Variants in SLC10A4 observed in about 807,000 individuals in gnomAD.
The protein encoded by SLC10A4 is putative sodium/bile acid cotransporter 4.
SLC10A4 carries 17 observed loss-of-function variants against 22.5 expected under a neutral mutation model. That is an observed-to-expected ratio of 0.76 (90% confidence interval 0.52 to 1.14). The LOEUF (loss-of-function observed/expected upper bound fraction) is 1.14, where lower values mean the gene tolerates loss of function less well. Among genes scored for constraint, SLC10A4 ranks in the 50% most tolerant of loss-of-function variants. SLC10A4 has a pLI of 0.00. For synonymous variants in SLC10A4, 257 were observed against 258.2 expected, an observed-to-expected ratio of 1.00 and a Z score of 0.04; for missense variants, 548 against 584.0, an observed-to-expected ratio of 0.94 and a Z score of 0.64.
At chr4:48,485,284 A>T in intron 2 of SLC10A4, 142 bp downstream of exon 2, 1 of 744,564 alleles carries the variant, frequency 1.3e-6, no homozygotes, top group South Asian at 1.9e-5. Context: ...TTTTTTTAAA[A>T]AGTTTATGCT....
chr4:48,483,538 G>C lies in SLC10A4; in HGVS notation c.-24G>C. 2 of 1,483,140 alleles carry C rather than the reference G, an allele frequency of 1.3e-6. No individual in the cohort carries two copies. The highest frequency in any genetic ancestry group is 1.8e-6 in the Non-Finnish European group (2 of 1,120,504). 91.9% of individuals were successfully genotyped at this position (1,483,140 alleles called of 1,614,324 possible). On this transcript the variant is annotated 5_prime_UTR_variant, in exon 1 of 3. Coordinates refer to ENST00000273861, the MANE Select transcript of SLC10A4 (RefSeq NM_152679.4). The surrounding 1 kb of genome is among the most constrained non-coding windows in gnomAD (Gnocchi z 5.4). ...GAGAGGCACGCGGCGGGAGGGGACC[G>C]GAATCCGCAGCTCCGGCCGCGCCAT...
At chr4:48,487,182 C>T (rs747651721) in intron 2 of SLC10A4, among the ~76,000 whole-genome samples, 3 of 152,146 alleles carry the variant, frequency 2.0e-5, no homozygotes, top group Non-Finnish European at 2.9e-5. Flanking sequence ...ACGTTTTATA[C>T]AGAAGTCAGT....
rs751960693 is a variant in SLC10A4, at chr4:48,484,028, T to G, written c.467T>G (p.Leu156Arg). The stretch of plus-strand genomic sequence containing the variant: ...GGCCTCCTGCCGCTGCTGGCCTTCC[T>G]GCTGGCCCTCGCCTTCAAGCTGGAC... ...QFGLLPLLAFLLALAFKLDEV... is the reference protein window; with the variant it reads ...QFGLLPLLAFRLALAFKLDEV... Residue 156 changes from leucine (L) to arginine (R), a missense_variant, in exon 1 of 3, where the codon CTG (leucine) becomes CGG (arginine). Around this residue, in one of 3 missense-constraint regions of SLC10A4, gnomAD observed 314 missense variants for 353.2 expected, o/e 0.89. Transcript: ENST00000273861. 1 of 1,597,590 alleles carries G rather than the reference T, an allele frequency of 6.3e-7. No homozygotes were observed. The highest frequency in any genetic ancestry group is 1.7e-5 in the Admixed American group (1 of 59,146).
Position 48,485,044 on chromosome 4 carries a change from G to C in SLC10A4, c.703G>C (p.Gly235Arg), listed in dbSNP as rs1718258920. The change falls in exon 2 of 3, where the codon GGG becomes CGG. Residue 235 changes from glycine to arginine, a missense_variant. Transcript: ENST00000273861. ...CCCTATCGTGCAGTTACTACCCCTAGGGACCGTGACCCTGACTCTCTGCAG... is the reference window on the plus strand; with the variant it reads ...CCCTATCGTGCAGTTACTACCCCTACGGACCGTGACCCTGACTCTCTGCAG... ...NTPIVQLLPLGTVTLTLCSTL... is the reference protein window; with the variant it reads ...NTPIVQLLPLRTVTLTLCSTL... The C allele has an allele frequency of 6.2e-7, 1 of 1,614,060 alleles. No homozygotes were observed.
At chr4:48,484,697 G>T (rs1718249809) in intron 1 of SLC10A4, among the ~76,000 whole-genome samples, 1 of 152,018 alleles carries the variant, frequency 6.6e-6, no homozygotes, top group African/African-American at 2.4e-5. Context: ...ATAATGTCGA[G>T]GGCAGCAGTA....
chr4:48,484,695 G>A (rs983548336), intron 1 of SLC10A4, among the ~76,000 whole-genome samples: 2 of 152,010 alleles, frequency 1.3e-5, no homozygotes, highest in Admixed American at 1.3e-4. Flanking sequence ...TTATAATGTC[G>A]AGGGCAGCAG....
rs1718342284 is a variant in SLC10A4, at chr4:48,489,131, T to C, written c.*192T>C. ...ATTACAAATCAATGCTGTAATATAA[T>C]TTGCACCTGGAATGGCTAACGTGAA... On this transcript the variant is annotated 3_prime_UTR_variant, in exon 3 of 3. Transcript: ENST00000273861. 1.6e-6 allele frequency: 1 copy of C among 616,202 alleles called. No individual in the cohort carries two copies. The highest frequency in any genetic ancestry group is 2.6e-6 in the Non-Finnish European group (1 of 390,808). 38.2% of individuals were successfully genotyped at this position (616,202 alleles called of 1,614,324 possible). A position where few individuals can be genotyped will look rare whatever the true frequency, so the allele number is the denominator to read the frequency against.
At position 48,488,433 on chromosome 4, in the gene SLC10A4, C is replaced by A; in HGVS notation, c.808C>A (p.Leu270Met). The A allele has an allele frequency of 6.3e-7, 1 of 1,591,728 alleles. No homozygotes were observed. The highest frequency in any genetic ancestry group is 8.6e-7 in the Non-Finnish European group (1 of 1,167,172). ...RVADYIVKVS[L>M]WSLLVTLVVL... is the part of the protein sequence containing the mutation. ...TGTAATTTTCTATTACTAGGTTTCC[C>A]TGTGGTCTCTGCTAGTGACTCTGGT... Residue 270 changes from leucine (L) to methionine (M), a missense_variant, in exon 3 of 3, where the codon CTG (leucine) becomes ATG (methionine). By Grantham distance (15) the Leu-to-Met change is conservative. Coordinates refer to ENST00000273861, the MANE Select transcript of SLC10A4 (RefSeq NM_152679.4).
chr4:48,483,498 C>T lies in SLC10A4; in HGVS notation c.-64C>T. 1.5e-6 allele frequency: 2 copies of T among 1,350,954 alleles called. No individual in the cohort carries two copies. The highest frequency in any genetic ancestry group is 2.0e-6 in the Non-Finnish European group (2 of 1,024,162). 83.7% of individuals were successfully genotyped at this position (1,350,954 alleles called of 1,614,324 possible). Reference sequence around the variant, plus strand: ...GCAGAACGACGGGCGGCGACTGCGGCGACCGCGGGACGGCGAGAGGCACGC... The same window carrying T: ...GCAGAACGACGGGCGGCGACTGCGGTGACCGCGGGACGGCGAGAGGCACGC... On this transcript the variant is annotated 5_prime_UTR_variant, in exon 1 of 3. Coordinates refer to ENST00000273861, the MANE Select transcript of SLC10A4 (RefSeq NM_152679.4). The surrounding 1 kb of genome is among the most constrained non-coding windows in gnomAD (Gnocchi z 5.4).
intron 2 of SLC10A4, 135 bp from the exon 3 acceptor site, chr4:48,488,292 A>G: frequency 1.3e-6 from 1 of 771,030 alleles, no homozygotes; most frequent in Non-Finnish European, 2.0e-6. Context: ...TGGCCTGCCC[A>G]TCTTCAGAAA....
intron 2 of SLC10A4, 130 bp downstream of exon 2, chr4:48,485,272 AT>A (rs1260890784): frequency 3.7e-5 from 33 of 881,678 alleles, no homozygotes; most frequent in African/African-American, 1.7e-4. Flanking sequence ...CATGGATAAA[AT>A]TTTTTTTAAA....
intron 2 of SLC10A4, among the ~76,000 whole-genome samples, chr4:48,487,030 C>A (rs1458412801): frequency 6.6e-6 from 1 of 152,016 alleles, no homozygotes; most frequent in Admixed American, 6.6e-5. Flanking sequence ...CCTTTCCCTG[C>A]CCACTCCTCA....
intron 1 of SLC10A4, among the ~76,000 whole-genome samples, chr4:48,484,491 G>T (rs1209407418): frequency 6.6e-6 from 1 of 152,208 alleles, no homozygotes; most frequent in East Asian, 1.9e-4. Flanking sequence ...GGGGGAGTCT[G>T]AACTAGAACT....
chr4:48,485,118 C>G lies in SLC10A4; in HGVS notation c.777C>G (p.Ser259Arg). ...GCGTCTTCATTCGCTACAAATACAG[C>G]CGGGTGGCTGACTACATTGTGAAGG... ...GLGVFIRYKY[S>R]RVADYIVKVS... Residue 259 changes from serine to arginine, a missense_variant, in exon 2 of 3, where the codon AGC (serine) becomes AGG (arginine). Around this residue, in one of 3 missense-constraint regions of SLC10A4, gnomAD observed 314 missense variants for 353.2 expected, o/e 0.89. Coordinates refer to ENST00000273861, the MANE Select transcript of SLC10A4 (RefSeq NM_152679.4). 1.9e-6 allele frequency: 3 copies of G among 1,614,128 alleles called. No homozygotes were observed. The highest frequency in any genetic ancestry group is 2.5e-6 in the Non-Finnish European group (3 of 1,180,010).
intron 2 of SLC10A4, 43 bp from the exon 3 acceptor site, chr4:48,488,384 T>C: frequency 6.6e-7 from 1 of 1,523,494 alleles, no homozygotes. Context: ...TTCTCTCGCC[T>C]GAGTTCATCT....
chr4:48,483,821 G>T lies in SLC10A4; in HGVS notation c.260G>T (p.Arg87Leu). The T allele has an allele frequency of 2.6e-6, 4 of 1,527,228 alleles. No homozygotes were observed. The highest frequency in any genetic ancestry group is 3.5e-6 in the Non-Finnish European group (4 of 1,141,492). 94.6% of individuals were successfully genotyped at this position (1,527,228 alleles called of 1,614,324 possible). ...AASHGPSPFP[R>L]PWAPHALPFW... ...AGCCACGGCCCTTCCCCGTTCCCTC[G>T]GCCCTGGGCGCCCCACGCGCTCCCG... is the stretch of plus-strand genomic sequence containing the variant. The change falls in exon 1 of 3, where the codon CGG (arginine) becomes CTG (leucine). Residue 87 changes from arginine to leucine, a missense_variant. This residue lies in a region of SLC10A4 where 225 missense variants were observed against 206.9 expected (regional missense o/e 1.09). Coordinates refer to ENST00000273861, the MANE Select transcript of SLC10A4 (RefSeq NM_152679.4). The surrounding 1 kb of genome is among the most constrained non-coding windows in gnomAD (Gnocchi z 5.4).
At chr4:48,486,898 T>C (rs1718291248) in intron 2 of SLC10A4, among the ~76,000 whole-genome samples, 3 of 152,190 alleles carry the variant, frequency 2.0e-5, no homozygotes, top group Admixed American at 2.0e-4. Flanking sequence ...CCAGCTCAGA[T>C]AAATTTTAAA....
rs140132469 is a variant in SLC10A4, at chr4:48,488,091, C to T, written c.802-336C>T. 3.6e-3 allele frequency among the ~76,000 whole-genome samples: 544 copies of T among 151,282 alleles called. 4 individuals carry two copies. Among genetic ancestry groups the T allele is most frequent in the African/African-American group, 0.012 (510 of 41,130 alleles). Reference sequence around the variant, plus strand: ...TGCTGGGATTACAGGTGTGAGCCACCGCGCCTGGCCAGAAAAGCTGGGTTT... The same window carrying T: ...TGCTGGGATTACAGGTGTGAGCCACTGCGCCTGGCCAGAAAAGCTGGGTTT... On this transcript the variant is annotated intron_variant, in intron 2 of 2. Coordinates refer to ENST00000273861, the MANE Select transcript of SLC10A4 (RefSeq NM_152679.4).
rs1221650812 is a variant in SLC10A4 at position 48,488,833 on chromosome 4, A to AT, written c.1209dup (p.Ile404TyrfsTer4). 5.0e-6 allele frequency: 8 copies of AT among 1,613,872 alleles called. No individual in the cohort carries two copies. Among genetic ancestry groups the AT allele is most frequent in the Admixed American group, 1.7e-5 (1 of 59,994 alleles). On this transcript the variant is annotated frameshift_variant, in exon 3 of 3. Coordinates refer to ENST00000273861, the MANE Select transcript of SLC10A4 (RefSeq NM_152679.4). LOFTEE classifies it high-confidence loss of function. Reference sequence around the variant, plus strand: ...CCTCTAGATGAAGATGAAGATACAGATATTTCTTATAAAAAACTAAAAGAA... The same window carrying AT: ...CCTCTAGATGAAGATGAAGATACAGATTATTTCTTATAAAAAACTAAAAGAA...
Sources: allele counts gnomAD v4.1 joint callset (sites outside exome capture counted in the v4.1 genomes callset), GRCh38; gene constraint gnomAD v4.1.1; regional missense constraint gnomAD v4.1.1; non-coding constraint Gnocchi (gnomAD v3.1); transcripts MANE v1.5; gene names NCBI Gene and HGNC (gene_info 2026-07-23, HGNC 2026-07-21).